MGST1: variants seen among roughly 807,000 people sequenced by gnomAD.
MGST1 encodes the protein microsomal glutathione S-transferase 1, also known as glutathione S-transferase 12.
A neutral mutation model predicts 8.9 loss-of-function variants in MGST1; 5 were observed. That is an observed-to-expected ratio of 0.56 (90% CI 0.29 to 1.19). The LOEUF is 1.19. MGST1 is among the 50% of genes most tolerant of loss of function. The pLI, the probability that MGST1 is intolerant of heterozygous loss-of-function variation, is 0.08. For missense variants in MGST1, 182 were observed against 187.4 expected (o/e 0.97, Z 0.17); for synonymous variants, 54 against 67.8 (o/e 0.80, Z 1.00).
Position 16,578,062 on chromosome 12 carries a change from T to G in MGST1, n.483-11466T>G, listed in dbSNP as rs1020641677. Among the ~76,000 whole-genome samples the G allele has an allele frequency of 1.3e-5, 2 of 152,302 alleles. 1 individual carries two copies. The highest frequency in any genetic ancestry group is 4.8e-5 in the African/African-American group (2 of 41,568). On this transcript the variant is annotated intron_variant and non_coding_transcript_variant, in intron 4 of 4. Transcript: ENST00000538857. ...TCCAGTCCTCAGTAGGCAACAACTT[T>G]CATAAGAAATATATTCTGTCCTCAT...
chr12:16,501,100 A>G (rs1425427520), intron 4 of MGST1, among the ~76,000 whole-genome samples: 3 of 50,134 alleles, frequency 6.0e-5, no homozygotes, highest in Non-Finnish European at 1.8e-4. Context: ...TCTGTCTCGA[A>G]AAAAAAAAAA....
rs142570675 is a variant in MGST1 at position 16,569,876 on chromosome 12, A to G, written n.483-19652A>G. 3.1e-3 allele frequency among the ~76,000 whole-genome samples: 476 copies of G among 152,274 alleles called. 2 individuals carry two copies. The highest frequency in any genetic ancestry group is 4.7e-3 in the Non-Finnish European group (321 of 67,990). ...GTACTAAAACAGAAATATTTTAACT[A>G]TATCTTTAAAGTAATAGAAACAAAT... is the stretch of plus-strand genomic sequence containing the variant. On this transcript the variant is annotated intron_variant and non_coding_transcript_variant, in intron 4 of 4. Transcript: ENST00000538857.
At chr12:16,366,213 A>G (rs531529258), downstream of MGST1, among the ~76,000 whole-genome samples, 1 of 152,332 alleles carries the variant, frequency 6.6e-6, no homozygotes, top group African/African-American at 2.4e-5. This position sits in a 1 kb window ranked among gnomAD's most constrained non-coding sequence, Gnocchi z 4.0. Context: ...CACGTAAGGA[A>G]AAGTGCAAAA....
Position 16,547,860 on chromosome 12 carries a change from G to A in MGST1, n.483-41668G>A, listed in dbSNP as rs1185295726. ...CATGTTTGGCCTACATAATTTCTAC[G>A]AAACTGTTTAAGTGATGATTCAGAG... On this transcript the variant is annotated intron_variant and non_coding_transcript_variant, in intron 4 of 4. Coordinates refer to the MGST1 transcript ENST00000538857. This position sits in a 1 kb window ranked among gnomAD's most constrained non-coding sequence, Gnocchi z 4.6. Among the ~76,000 whole-genome samples, 13 of 152,086 alleles carry A rather than the reference G, an allele frequency of 8.5e-5. No individual in the cohort carries two copies. Among genetic ancestry groups the A allele is most frequent in the Non-Finnish European group, 1.6e-4 (11 of 67,992 alleles).
At chr12:16,556,672 G>A (rs998736422) in intron 4 of MGST1, among the ~76,000 whole-genome samples, 2 of 152,194 alleles carry the variant, frequency 1.3e-5, no homozygotes, top group African/African-American at 4.8e-5. Context: ...TTGGCTACTG[G>A]AAGTGGGATA....
chr12:16,503,095 G>C lies in MGST1; in HGVS notation n.483-86433G>C, dbSNP rs1010983522. ...GATGCAGGGTGAGGTTTCAGCGGATGGTGTTAAGAATGAAGAAGGAAAGGA... is the reference window on the plus strand; with the variant it reads ...GATGCAGGGTGAGGTTTCAGCGGATCGTGTTAAGAATGAAGAAGGAAAGGA... On this transcript the variant is annotated intron_variant and non_coding_transcript_variant, in intron 4 of 4. Transcript: ENST00000538857. This position sits in a 1 kb window ranked among gnomAD's most constrained non-coding sequence, Gnocchi z 4.8. Among the ~76,000 whole-genome samples the C allele has an allele frequency of 3.3e-5, 5 of 152,068 alleles. No homozygotes were observed. Among genetic ancestry groups the C allele is most frequent in the African/African-American group, 1.2e-4 (5 of 41,392 alleles).
chr12:16,421,767 A>G (rs1024235861), intron 1 of MGST1, among the ~76,000 whole-genome samples: 1 of 152,138 alleles, frequency 6.6e-6, no homozygotes, highest in Non-Finnish European at 1.5e-5. Flanking sequence ...TGGTGGGTCA[A>G]AGACTGTAAC....
chr12:16,369,211 T>C (rs549352342), downstream of MGST1, among the ~76,000 whole-genome samples: 1 of 152,302 alleles, frequency 6.6e-6, no homozygotes, highest in South Asian at 2.1e-4. The surrounding 1 kb of genome is among the most constrained non-coding windows in gnomAD (Gnocchi z 4.8). Context: ...AGATAATGAC[T>C]GAGGCTTTAT....
At chr12:16,369,139 G>C (rs1245691601), downstream of MGST1, among the ~76,000 whole-genome samples, 4 of 152,140 alleles carry the variant, frequency 2.6e-5, no homozygotes, top group Admixed American at 2.6e-4. This position sits in a 1 kb window ranked among gnomAD's most constrained non-coding sequence, Gnocchi z 4.8. Context: ...ATAGTGAATA[G>C]ATCCTGGATT....
intron 4 of MGST1, among the ~76,000 whole-genome samples, chr12:16,446,849 C>T (rs1304717912): frequency 1.3e-5 from 2 of 151,856 alleles, no homozygotes; most frequent in East Asian, 3.9e-4. Context: ...GGGAACAGAG[C>T]CACCACTGAA....
intron 1 of MGST1, among the ~76,000 whole-genome samples, chr12:16,353,766 T>TTC (rs1480120451): frequency 2.1e-5 from 3 of 141,642 alleles, no homozygotes; most frequent in Non-Finnish European, 4.7e-5. Context: ...ACTTTTTTTT[T>TTC]TTTTTTTTTT....
intron 4 of MGST1, among the ~76,000 whole-genome samples, chr12:16,588,273 G>A (rs1213864396): frequency 6.6e-6 from 1 of 151,698 alleles, no homozygotes; most frequent in Admixed American, 6.6e-5. Context: ...TTGAAGGTGT[G>A]CACTCAAATT....
chr12:16,518,616 T>C (rs1201551544), intron 4 of MGST1, among the ~76,000 whole-genome samples: 2 of 152,168 alleles, frequency 1.3e-5, no homozygotes, highest in East Asian at 1.9e-4. Flanking sequence ...CTGAAACATG[T>C]AGAAAACTCA....
At chr12:16,359,891 T>G (rs1000018649) in intron 3 of MGST1, among the ~76,000 whole-genome samples, 3 of 152,224 alleles carry the variant, frequency 2.0e-5, no homozygotes, top group Non-Finnish European at 2.9e-5. Flanking sequence ...TTTAGATTCC[T>G]CCCTACTATT....
chr12:16,499,674 C>T (rs996579540), intron 4 of MGST1, among the ~76,000 whole-genome samples: 4 of 151,436 alleles, frequency 2.6e-5, no homozygotes, highest in Non-Finnish European at 5.9e-5. Flanking sequence ...CCATTTGATT[C>T]GCTGTCTTAT....
At position 16,517,725 on chromosome 12, in the gene MGST1, T is replaced by C. The variant is rs1941624291; in HGVS notation, n.483-71803T>C. Among the ~76,000 whole-genome samples the C allele has an allele frequency of 6.6e-6, 1 of 152,200 alleles. No individual in the cohort carries two copies. Among genetic ancestry groups the C allele is most frequent in the Non-Finnish European group, 1.5e-5 (1 of 68,024 alleles). ...GCACTGTCCACAGAGAAGAGAGTTT[T>C]AGCCAATGGTCTTCTGCTATTCCAG... On this transcript the variant is annotated intron_variant and non_coding_transcript_variant, in intron 4 of 4. Coordinates refer to the MGST1 transcript ENST00000538857. This position sits in a 1 kb window ranked among gnomAD's most constrained non-coding sequence, Gnocchi z 4.2.
chr12:16,365,622 G>T (rs2137007731), downstream of MGST1, among the ~76,000 whole-genome samples: 1 of 152,340 alleles, frequency 6.6e-6, no homozygotes, highest in East Asian at 1.9e-4. Flanking sequence ...TTTGCATGCT[G>T]TGGATCTTGG....
intron 4 of MGST1, among the ~76,000 whole-genome samples, chr12:16,451,384 T>C (rs544900857): frequency 3.6e-4 from 54 of 151,866 alleles, no homozygotes; most frequent in Non-Finnish European, 6.3e-4. Flanking sequence ...CATACAATAT[T>C]ATACACACGC....
Position 16,389,627 on chromosome 12 carries a change from A to G in MGST1, n.778+6023A>G, listed in dbSNP as rs753546789. On this transcript the variant is annotated intron_variant and non_coding_transcript_variant, in intron 1 of 1. Coordinates refer to the MGST1 transcript ENST00000359720. The surrounding 1 kb of genome is among the most constrained non-coding windows in gnomAD (Gnocchi z 4.6). ...TGCAGCAATATGACATGAGTACCTCATAGGAGGGACTACAGAGAAGCAAGG... is the reference window on the plus strand; with the variant it reads ...TGCAGCAATATGACATGAGTACCTCGTAGGAGGGACTACAGAGAAGCAAGG... Among the ~76,000 whole-genome samples the G allele has an allele frequency of 6.6e-6, 1 of 152,194 alleles. No individual in the cohort carries two copies. The highest frequency in any genetic ancestry group is 1.5e-5 in the Non-Finnish European group (1 of 68,034).
Sources: allele counts gnomAD v4.1 joint callset (sites outside exome capture counted in the v4.1 genomes callset), GRCh38; gene constraint gnomAD v4.1.1; non-coding constraint Gnocchi (gnomAD v3.1); transcripts MANE v1.5; gene names NCBI Gene and HGNC (gene_info 2026-07-23, HGNC 2026-07-21).